SLC6A3: variants seen among roughly 807,000 people sequenced by gnomAD.
SLC6A3 encodes the protein solute carrier family 6 member 3, also known as sodium-dependent dopamine transporter.
Under a neutral mutation model 70.4 loss-of-function variants are expected in SLC6A3, and 19 were observed. The observed-to-expected ratio is 0.27, with a 90% confidence interval of 0.19 to 0.40. The LOEUF (loss-of-function observed/expected upper bound fraction) is 0.40, where lower values mean the gene tolerates loss of function less well. SLC6A3 is among the 10% of genes least tolerant of loss of function. SLC6A3 has a pLI of 1.00. For synonymous variants in SLC6A3, 368 were observed against 356.6 expected (o/e 1.03, Z -0.36); for missense variants, 613 against 838.5 (o/e 0.73, Z 3.32).
chr5:1,439,804 G>A (rs1257287863), intron 3 of SLC6A3, among the ~76,000 whole-genome samples: 4 of 152,262 alleles, frequency 2.6e-5, no homozygotes, highest in African/African-American at 9.6e-5. Context: ...CCTGAGAGGT[G>A]GCTTTGGCCC....
intron 3 of SLC6A3, among the ~76,000 whole-genome samples, chr5:1,439,776 C>T (rs1756928672): frequency 6.6e-6 from 1 of 152,230 alleles, no homozygotes; most frequent in African/African-American, 2.4e-5. Flanking sequence ...TGCCTGAATC[C>T]TCCCTGAACC....
chr5:1,416,395 G>T, intron 6 of SLC6A3, 194 bp from the exon 7 acceptor site: 1 of 629,756 alleles, frequency 1.6e-6, no homozygotes, highest in Non-Finnish European at 2.8e-6. Context: ...CAGCGGCCTG[G>T]AAGAGCCTGA....
Position 1,411,068 on chromosome 5 carries a change from T to A in SLC6A3, c.1269+175A>T, listed in dbSNP as rs565958837. Among the ~76,000 whole-genome samples, 1 of 151,966 alleles carries A rather than the reference T, an allele frequency of 6.6e-6. No individual in the cohort carries two copies. Among genetic ancestry groups the A allele is most frequent in the East Asian group, 1.9e-4 (1 of 5,162 alleles). On this transcript the variant is annotated intron_variant, in intron 9 of 14. Coordinates refer to ENST00000270349, the MANE Select transcript of SLC6A3 (RefSeq NM_001044.5). This position sits in a 1 kb window ranked among gnomAD's most constrained non-coding sequence, Gnocchi z 6.5. Reference sequence around the variant, plus strand: ...AAGGTAAACTCCAGTCACCACTCACTCCAGCCCCGAGAAAGGTCTCCCAAA... The same window carrying A: ...AAGGTAAACTCCAGTCACCACTCACACCAGCCCCGAGAAAGGTCTCCCAAA...
In SLC6A3 at chr5:1,406,391, G is replaced by C. The variant is rs373012965; in HGVS notation, c.1499-103C>G. On this transcript the variant is annotated intron_variant, in intron 11 of 14. Transcript: ENST00000270349. This position sits in a 1 kb window ranked among gnomAD's most constrained non-coding sequence, Gnocchi z 8.8. ...CTGACTCCCAAGGGCCCCACCTACC[G>C]GCCCCAGGCTTCGGCTGCACCCAGC... 1 of 1,011,920 alleles carries C rather than the reference G, an allele frequency of 9.9e-7. No individual in the cohort carries two copies. Among genetic ancestry groups the C allele is most frequent in the Non-Finnish European group, 1.6e-6 (1 of 638,032 alleles). The allele number at this position is 1,011,920 out of a possible 1,614,324, so 62.7% of individuals were successfully genotyped here.
chr5:1,413,719 GC>G lies in SLC6A3; in HGVS notation c.1156+971del, dbSNP rs1230599337. ...CCTCCACATCCATGTGGCAGAGCAG[GC>G]CGGGAGGCAGGCGGGGGCTCTGCTG... On this transcript the variant is annotated intron_variant, in intron 8 of 14. Coordinates refer to ENST00000270349, the MANE Select transcript of SLC6A3 (RefSeq NM_001044.5). The surrounding 1 kb of genome is among the most constrained non-coding windows in gnomAD (Gnocchi z 7.1). Among the ~76,000 whole-genome samples, 1 of 152,184 alleles carries G rather than the reference GC, an allele frequency of 6.6e-6. No homozygotes were observed. Among genetic ancestry groups the G allele is most frequent in the Non-Finnish European group, 1.5e-5 (1 of 68,018 alleles).
At position 1,400,907 on chromosome 5, in the gene SLC6A3, G is replaced by A. The variant is rs533644928; in HGVS notation, c.1839+8C>T. ...CCGAGAGAGGCCCAGCAGGGACCTC[G>A]ACCTCACCGTGAACTGGCGCACCTC... On this transcript the variant is annotated splice_region_variant and intron_variant, in intron 14 of 14. Coordinates refer to ENST00000270349, the MANE Select transcript of SLC6A3 (RefSeq NM_001044.5). The A allele has an allele frequency of 2.3e-5, 37 of 1,574,676 alleles. No individual in the cohort carries two copies. Among genetic ancestry groups the A allele is most frequent in the Admixed American group, 2.0e-4 (11 of 56,082 alleles).
Position 1,437,558 on chromosome 5 carries a change from C to G in SLC6A3, c.418+3801G>C, listed in dbSNP as rs576642681. On this transcript the variant is annotated intron_variant, in intron 3 of 14. Transcript: ENST00000270349. The surrounding 1 kb of genome is among the most constrained non-coding windows in gnomAD (Gnocchi z 4.8). ...TGGGGTGCACTGCGGGGCTGAAGGC[C>G]CCAGAGGCCCCTCTGGCTGTGGTGC... Among the ~76,000 whole-genome samples, 60 of 152,346 alleles carry G rather than the reference C, an allele frequency of 3.9e-4. No individual in the cohort carries two copies. The highest frequency in any genetic ancestry group is 1.4e-3 in the African/African-American group (60 of 41,592).
intron 9 of SLC6A3, 106 bp from the exon 10 acceptor site, chr5:1,409,955 CG>C (rs1186762443): frequency 1.4e-6 from 2 of 1,446,546 alleles, no homozygotes; most frequent in Non-Finnish European, 1.9e-6. Context: ...GGGATGGACA[CG>C]GAACAGGGGC....
Position 1,405,788 on chromosome 5 carries a change from G to A in SLC6A3, c.1599+400C>T, listed in dbSNP as rs1755963473. On this transcript the variant is annotated intron_variant, in intron 12 of 14. Coordinates refer to ENST00000270349, the MANE Select transcript of SLC6A3 (RefSeq NM_001044.5). This position sits in a 1 kb window ranked among gnomAD's most constrained non-coding sequence, Gnocchi z 5.3. ...GCAACGGGACAGGGCCGAGGCCCCT[G>A]CTGCTCTCATCCAGCACTCGGCATC... is the stretch of plus-strand genomic sequence containing the variant. Among the ~76,000 whole-genome samples the A allele has an allele frequency of 6.6e-6, 1 of 152,226 alleles. No homozygotes were observed. The highest frequency in any genetic ancestry group is 6.5e-5 in the Admixed American group (1 of 15,292).
rs1755922697 is a variant in SLC6A3 at position 1,404,412 on chromosome 5, G to C, written c.1600-1323C>G. ...ATGTCGGGCTTGCCTATCTGACATG[G>C]AGGTATTGCTGTAATGTGCTCTCTG... is the stretch of plus-strand genomic sequence containing the variant. On this transcript the variant is annotated intron_variant, in intron 12 of 14. Transcript: ENST00000270349. This position sits in a 1 kb window ranked among gnomAD's most constrained non-coding sequence, Gnocchi z 5.2. Among the ~76,000 whole-genome samples the C allele has an allele frequency of 6.6e-6, 1 of 152,232 alleles. No homozygotes were observed. The highest frequency in any genetic ancestry group is 2.1e-4 in the South Asian group (1 of 4,834).
chr5:1,429,543 G>T (rs945235035), intron 4 of SLC6A3, among the ~76,000 whole-genome samples: 1 of 152,082 alleles, frequency 6.6e-6, no homozygotes, highest in Admixed American at 6.5e-5. Flanking sequence ...TCTTAACAAC[G>T]AATCACTGGA....
rs1755882434 is a variant in SLC6A3, at chr5:1,402,877, T to C, written c.1767+45A>G. The C allele has an allele frequency of 1.2e-6, 2 of 1,600,856 alleles. No individual in the cohort carries two copies. Among genetic ancestry groups the C allele is most frequent in the South Asian group, 1.1e-5 (1 of 89,982 alleles). On this transcript the variant is annotated intron_variant, in intron 13 of 14. Coordinates refer to ENST00000270349, the MANE Select transcript of SLC6A3 (RefSeq NM_001044.5). This position sits in a 1 kb window ranked among gnomAD's most constrained non-coding sequence, Gnocchi z 8.5. ...GCCATGGACACCCACGGAGCCTTTC[T>C]GGTGGCCTCACACTCGGGTGAAGGC...
intron 4 of SLC6A3, among the ~76,000 whole-genome samples, chr5:1,431,491 GC>G (rs1756702265): frequency 6.6e-6 from 1 of 151,414 alleles, no homozygotes; most frequent in Non-Finnish European, 1.5e-5. Context: ...TGAGGATCAG[GC>G]CTGGCCGGGG....
intron 3 of SLC6A3, among the ~76,000 whole-genome samples, chr5:1,435,523 C>T (rs895514240): frequency 2.0e-5 from 3 of 152,236 alleles, no homozygotes; most frequent in Admixed American, 1.3e-4. Flanking sequence ...GCAGGGCCAC[C>T]ATGGGAGCAT....
chr5:1,401,363 G>A lies in SLC6A3; in HGVS notation c.1768-377C>T. 2.1e-6 allele frequency: 1 copy of A among 470,644 alleles called. No individual in the cohort carries two copies. Among genetic ancestry groups the A allele is most frequent in the Non-Finnish European group, 4.1e-6 (1 of 241,058 alleles). 29.2% of individuals were successfully genotyped at this position (470,644 alleles called of 1,614,324 possible). ...GAAAGTGCCCACACCCAGGTGGGCT[G>A]CCTCGGGGCCACCTGCAGCTGACAT... On this transcript the variant is annotated intron_variant, in intron 13 of 14. Transcript: ENST00000270349. This position sits in a 1 kb window ranked among gnomAD's most constrained non-coding sequence, Gnocchi z 6.1.
rs768773491 is a variant in SLC6A3 at position 1,413,220 on chromosome 5, G to A, written c.1156+1471C>T. Among the ~76,000 whole-genome samples, 5 of 152,198 alleles carry A rather than the reference G, an allele frequency of 3.3e-5. No individual in the cohort carries two copies. Among genetic ancestry groups the A allele is most frequent in the South Asian group, 4.1e-4 (2 of 4,822 alleles). On this transcript the variant is annotated intron_variant, in intron 8 of 14. Coordinates refer to ENST00000270349, the MANE Select transcript of SLC6A3 (RefSeq NM_001044.5). The surrounding 1 kb of genome is among the most constrained non-coding windows in gnomAD (Gnocchi z 7.1). The stretch of plus-strand genomic sequence containing the variant: ...GAAGAAAAGGCATAAATGCGGCACC[G>A]AGTAAATTTCACTGCTCTGCATTTA...
rs1319773061 is a variant in SLC6A3, at chr5:1,411,963, C to G, written c.1157-608G>C. On this transcript the variant is annotated intron_variant, in intron 8 of 14. Transcript: ENST00000270349. This position sits in a 1 kb window ranked among gnomAD's most constrained non-coding sequence, Gnocchi z 6.5. ...GAACACTCATTTGTGCATTCAAACT[C>G]ATACATGCAAGAACACATCCACATG... Among the ~76,000 whole-genome samples the G allele has an allele frequency of 6.6e-6, 1 of 152,196 alleles. No homozygotes were observed. The highest frequency in any genetic ancestry group is 1.5e-5 in the Non-Finnish European group (1 of 68,040).
chr5:1,436,860 G>T lies in SLC6A3; in HGVS notation c.419-4162C>A, dbSNP rs748446177. Among the ~76,000 whole-genome samples, 9 of 152,208 alleles carry T rather than the reference G, an allele frequency of 5.9e-5. No individual in the cohort carries two copies. The highest frequency in any genetic ancestry group is 2.1e-4 in the South Asian group (1 of 4,824). ...ACCCACGAGAGCTGGCTTCAGGAGA[G>T]GGTGTTGTCAACGCATGCACGGATC... On this transcript the variant is annotated intron_variant, in intron 3 of 14. Coordinates refer to ENST00000270349, the MANE Select transcript of SLC6A3 (RefSeq NM_001044.5). This position sits in a 1 kb window ranked among gnomAD's most constrained non-coding sequence, Gnocchi z 5.2.
chr5:1,429,079 A>T (rs1218954906), intron 4 of SLC6A3, among the ~76,000 whole-genome samples: 1 of 151,920 alleles, frequency 6.6e-6, no homozygotes, highest in Non-Finnish European at 1.5e-5. Flanking sequence ...TGAGACATCC[A>T]CTCCCTGATT....
Sources: gnomAD v4.1 joint callset for allele counts (sites outside exome capture counted in the v4.1 genomes callset) on GRCh38, gnomAD v4.1.1 for gene constraint, Gnocchi (gnomAD v3.1) non-coding constraint, MANE v1.5 for transcripts, NCBI Gene and HGNC (gene_info 2026-07-23, HGNC 2026-07-21) for gene names.